CDH23: variants seen among roughly 807,000 people sequenced by gnomAD.
The protein encoded by CDH23 is cadherin related 23.
In CDH23, 189 loss-of-function variants were observed where a neutral mutation model predicts 317.1. The observed-to-expected ratio is 0.60, with a 90% CI of 0.53 to 0.67. The LOEUF is 0.67. CDH23 is among the 30% of genes least tolerant of loss of function. The pLI is 0.00. For missense variants in CDH23, 4,401 were observed against 4,592.4 expected, an observed-to-expected ratio of 0.96 and a Z score of 1.20; for synonymous variants, 1,839 against 1,876.8, an observed-to-expected ratio of 0.98 and a Z score of 0.52.
intron 14 of CDH23, among the ~76,000 whole-genome samples, chr10:71,659,844 T>C (rs1863569392): frequency 6.6e-6 from 1 of 152,118 alleles, no homozygotes; most frequent in Non-Finnish European, 1.5e-5. Context: ...TATCAACTTG[T>C]ATTTCTCTAG....
Position 71,809,718 on chromosome 10 carries a change from G to A in CDH23, c.8723-102G>A, listed in dbSNP as rs57717338. 26,565 of 1,494,196 alleles carry A rather than the reference G, an allele frequency of 0.018. 1,246 individuals carry two copies. Among genetic ancestry groups the A allele is most frequent in the African/African-American group, 0.16 (11,517 of 72,208 alleles). The allele number at this position is 1,494,196 out of a possible 1,614,324, so 92.6% of individuals were successfully genotyped here. On this transcript the variant is annotated intron_variant, in intron 60 of 69. Transcript: ENST00000224721. ...GCTGTGCCCTGTGGGCATTTGTGCC[G>A]CCTCCCCTAGATGTGCCCACCTACC...
rs543688097 is a variant in CDH23 at position 71,496,857 on chromosome 10, G to A, written c.146-13225G>A. Among the ~76,000 whole-genome samples the A allele has an allele frequency of 4.5e-4, 15 of 33,608 alleles. 1 individual carries two copies. The highest frequency in any genetic ancestry group is 1.2e-3 in the African/African-American group (15 of 12,018). 22.0% of individuals were successfully genotyped at this position (33,608 alleles called of 152,430 possible). On this transcript the variant is annotated intron_variant, in intron 3 of 69. Coordinates refer to ENST00000224721, the MANE Select transcript of CDH23 (RefSeq NM_022124.6). The stretch of plus-strand genomic sequence containing the variant: ...GATGGACAGTTGGGATGTCAAAAGG[G>A]CTACAGGTGATTCTAAGCTGCAGCC...
intron 3 of CDH23, among the ~76,000 whole-genome samples, chr10:71,504,033 T>G (rs1027512343): frequency 1.7e-4 from 23 of 137,944 alleles, no homozygotes; most frequent in African/African-American, 6.6e-4. Context: ...AATTTAAGGT[T>G]TTTTTTTTTT....
chr10:71,600,431 G>T (rs1399651783), intron 9 of CDH23, among the ~76,000 whole-genome samples: 1 of 151,874 alleles, frequency 6.6e-6, no homozygotes, highest in African/African-American at 2.4e-5. Context: ...AAATCACAAT[G>T]CCCATGAGCA....
At chr10:71,736,681 C>T (rs1000050253) in intron 34 of CDH23, among the ~76,000 whole-genome samples, 4 of 152,248 alleles carry the variant, frequency 2.6e-5, no homozygotes, top group Non-Finnish European at 5.9e-5. Context: ...CTTGCAGCCT[C>T]ACCAAGATCA....
At chr10:71,806,302 C>G (rs1473168012) in intron 57 of CDH23, 21 bp downstream of exon 57, 14 of 1,499,086 alleles carry the variant, frequency 9.3e-6, no homozygotes, top group Non-Finnish European at 1.3e-5. Context: ...CCACCTCCTG[C>G]GCTGGTCACA....
At chr10:71,441,284 G>T (rs1400674491) in intron 2 of CDH23, among the ~76,000 whole-genome samples, 1 of 152,092 alleles carries the variant, frequency 6.6e-6, no homozygotes, top group Non-Finnish European at 1.5e-5. Flanking sequence ...TTCAATCGGG[G>T]CTCCTGAGAG....
At chr10:71,629,684 C>T (rs888574846) in intron 11 of CDH23, among the ~76,000 whole-genome samples, 5 of 152,194 alleles carry the variant, frequency 3.3e-5, no homozygotes, top group African/African-American at 9.7e-5. Context: ...GTGAATGAAG[C>T]ACTGAGCTGC....
intron 9 of CDH23, among the ~76,000 whole-genome samples, chr10:71,610,930 C>T (rs1860840791): frequency 6.6e-6 from 1 of 152,100 alleles, no homozygotes; most frequent in Non-Finnish European, 1.5e-5. Flanking sequence ...CACCCCACCC[C>T]AAAACCCCTC....
chr10:71,793,153 G>T (rs373719290), intron 47 of CDH23, 29 bp from the exon 48 acceptor site: 2 of 1,548,796 alleles, frequency 1.3e-6, no homozygotes, highest in South Asian at 1.2e-5. Context: ...GCCACTGTGC[G>T]CAGCTACTCC....
chr10:71,402,850 C>T (rs1485192315), intron 1 of CDH23, among the ~76,000 whole-genome samples: 1 of 152,160 alleles, frequency 6.6e-6, no homozygotes, highest in Non-Finnish European at 1.5e-5. Context: ...GGCGTGGTGG[C>T]TCACGCCTGT....
chr10:71,701,072 C>T (rs1342042644), intron 22 of CDH23, among the ~76,000 whole-genome samples: 1 of 152,208 alleles, frequency 6.6e-6, no homozygotes, highest in East Asian at 1.9e-4. Flanking sequence ...TCTTGTCCAC[C>T]CCTGGTGCCA....
intron 6 of CDH23, among the ~76,000 whole-genome samples, chr10:71,559,635 A>T (rs1284627121): frequency 6.6e-6 from 1 of 152,204 alleles, no homozygotes; most frequent in Non-Finnish European, 1.5e-5. Context: ...GAGGGTGCTG[A>T]GTTGGCTCTG....
intron 48 of CDH23, among the ~76,000 whole-genome samples, chr10:71,794,109 C>A (rs913968506): frequency 6.6e-6 from 1 of 152,084 alleles, no homozygotes; most frequent in African/African-American, 2.4e-5. Context: ...TCAAGTGATT[C>A]TCCTGCCTCA....
In CDH23 at chr10:71,702,556, G is replaced by T; in HGVS notation, c.2595G>T (p.Arg865Ser). The T allele has an allele frequency of 6.2e-7, 1 of 1,613,902 alleles. No individual in the cohort carries two copies. Among genetic ancestry groups the T allele is most frequent in the South Asian group, 1.1e-5 (1 of 91,090 alleles). Residue 865 changes from arginine to serine, a missense_variant, in exon 24 of 70, where the codon AGG becomes AGT. Around this residue, in one of 3 missense-constraint regions of CDH23, gnomAD observed 3,068 missense variants for 3,203.3 expected, o/e 0.96. Transcript: ENST00000224721. The stretch of plus-strand genomic sequence containing the variant: ...TCGCCCTGGTCTTCCCAGGTGGCAG[G>T]CCCCCTCTGAAAGCCACCAGCAGTG... ...KIVVSVTDCG[R>S]PPLKATSSAT...
At chr10:71,646,681 G>A (rs764420659) in intron 14 of CDH23, 64 bp downstream of exon 14, 12 of 1,613,886 alleles carry the variant, frequency 7.4e-6, no homozygotes, top group Non-Finnish European at 8.5e-6. Flanking sequence ...GAGGCACCCA[G>A]AGGGATTTTG....
intron 9 of CDH23, among the ~76,000 whole-genome samples, chr10:71,608,562 G>C (rs1860667172): frequency 6.6e-6 from 1 of 152,196 alleles, no homozygotes; most frequent in African/African-American, 2.4e-5. Flanking sequence ...TGACCCTTTG[G>C]AATTGCTGCA....
At position 71,716,063 on chromosome 10, in the gene CDH23, C is replaced by T. The variant is rs1249520250; in HGVS notation, c.3369+3250C>T. The T allele has an allele frequency of 5.2e-5, 79 of 1,513,094 alleles. 1 individual carries two copies. The East Asian group carries it at 1.0e-3, about 19-fold the overall frequency. The allele number at this position is 1,513,094 out of a possible 1,614,324, so 93.7% of individuals were successfully genotyped here. A position where few individuals can be genotyped will look rare whatever the true frequency, so the allele number is the denominator to read the frequency against. ...CAGGGAGAGGCGCAAGGAGCCCAGG[C>T]GCTTCCAGAGCCGGAGCTGGGGCTC... On this transcript the variant is annotated intron_variant, in intron 28 of 69. Transcript: ENST00000224721.
chr10:71,486,071 C>T (rs372090326), intron 3 of CDH23, among the ~76,000 whole-genome samples: 2 of 152,318 alleles, frequency 1.3e-5, no homozygotes, highest in South Asian at 4.1e-4. Flanking sequence ...TGGAGCCACG[C>T]CTGTCCTGTC....
Sources: gnomAD v4.1 joint callset for allele counts (sites outside exome capture counted in the v4.1 genomes callset) on GRCh38, gnomAD v4.1.1 for gene constraint, gnomAD v4.1.1 regional missense constraint, MANE v1.5 for transcripts, NCBI Gene and HGNC (gene_info 2026-07-23, HGNC 2026-07-21) for gene names.